Variants in RAVER1 observed in about 807,000 individuals in gnomAD.
The protein encoded by RAVER1 is ribonucleoprotein, PTB binding 1.
Under a neutral mutation model 68.4 loss-of-function variants are expected in RAVER1, and 36 were observed. The observed-to-expected ratio is 0.53, with a 90% CI of 0.40 to 0.70. The LOEUF (loss-of-function observed/expected upper bound fraction) is 0.70. RAVER1 is among the 30% of genes least tolerant of loss of function. RAVER1 has a pLI of 0.00. For synonymous variants in RAVER1, 469 were observed against 472.7 expected (o/e 0.99, Z 0.10); for missense variants, 933 against 1,019.8 (o/e 0.91, Z 1.16).
rs1346578990 is a variant in RAVER1, at chr19:10,322,388, C to T, written c.1173+257G>A. The T allele has an allele frequency of 4.2e-6, 2 of 473,920 alleles. No individual in the cohort carries two copies. The highest frequency in any genetic ancestry group is 7.4e-6 in the Non-Finnish European group (2 of 271,234). The allele number at this position is 473,920 out of a possible 1,614,324, so 29.4% of individuals were successfully genotyped here. A position where few individuals can be genotyped will look rare whatever the true frequency, so the allele number is the denominator to read the frequency against. ...GGCTGTAAATGGGCGTGTCCAGGTC[C>T]CCTGACCCCACCCCAGGCACCAAGT... On this transcript the variant is annotated intron_variant, in intron 6 of 12. Coordinates refer to ENST00000617231, the MANE Select transcript of RAVER1 (RefSeq NM_133452.3). The surrounding 1 kb of genome is among the most constrained non-coding windows in gnomAD (Gnocchi z 4.3).
At chr19:10,332,753 G>C (rs546607062) in intron 1 of RAVER1, among the ~76,000 whole-genome samples, 1 of 152,268 alleles carries the variant, frequency 6.6e-6, no homozygotes, top group African/African-American at 2.4e-5. Flanking sequence ...GGTGGCAGAA[G>C]ACCCCATTTT....
rs1461373992 is a variant in RAVER1 at position 10,330,650 on chromosome 19, GGAAAC to G, written c.220-129_220-125del. ...TTACCACCCCCCATTTTACCAATGA[GGAAAC>G]TGAGGCTCGATGCAGTAATTTTGTC... On this transcript the variant is annotated intron_variant, in intron 1 of 12. Transcript: ENST00000617231. 6.5e-6 allele frequency: 4 copies of G among 619,126 alleles called. No individual in the cohort carries two copies. In the African/African-American group the frequency reaches 7.4e-5, roughly 11 times the overall value. 38.4% of individuals were successfully genotyped at this position (619,126 alleles called of 1,614,324 possible). A position where few individuals can be genotyped will look rare whatever the true frequency, so the allele number is the denominator to read the frequency against.
Position 10,322,544 on chromosome 19 carries a change from G to T in RAVER1, c.1173+101C>A. The stretch of plus-strand genomic sequence containing the variant: ...CCTCACCCTGGTTCTGCGCCCCCAG[G>T]GCACAGCCAGAGGTCCCCCCACCCC... On this transcript the variant is annotated intron_variant, in intron 6 of 12. Coordinates refer to ENST00000617231, the MANE Select transcript of RAVER1 (RefSeq NM_133452.3). The surrounding 1 kb of genome is among the most constrained non-coding windows in gnomAD (Gnocchi z 4.3). 1 of 855,736 alleles carries T rather than the reference G, an allele frequency of 1.2e-6. No homozygotes were observed. The highest frequency in any genetic ancestry group is 1.8e-5 in the South Asian group (1 of 55,286). The allele number at this position is 855,736 out of a possible 1,614,324, so 53.0% of individuals were successfully genotyped here.
chr19:10,318,333 C>T lies in RAVER1; in HGVS notation c.1885G>A (p.Gly629Ser), dbSNP rs374565467. Residue 629 changes from glycine to serine, a missense_variant, in exon 11 of 13, where the codon GGT becomes AGT. Coordinates refer to ENST00000617231, the MANE Select transcript of RAVER1 (RefSeq NM_133452.3). ...GACAGGGGGCCCCCGCCACTCCCAC[C>T]GCTGCTCCGTTCGCCGAAGCCACTG... The part of the protein sequence containing the change: ...PPSGFGERSS[G>S]GSGGGPLSHF... 36 of 1,602,922 alleles carry T rather than the reference C, an allele frequency of 2.2e-5. No individual in the cohort carries two copies. The highest frequency in any genetic ancestry group is 2.1e-4 in the African/African-American group (16 of 74,494).
At chr19:10,332,415 C>G (rs1338946650) in intron 1 of RAVER1, among the ~76,000 whole-genome samples, 1 of 152,138 alleles carries the variant, frequency 6.6e-6, no homozygotes, top group East Asian at 1.9e-4. Flanking sequence ...AGAGGAAGAC[C>G]CAGAAAGAAA....
At position 10,316,281 on chromosome 19, in the gene RAVER1, C is replaced by T. The variant is rs931087965; in HGVS notation, c.*1173G>A. 6.4e-6 allele frequency: 8 copies of T among 1,245,342 alleles called. No homozygotes were observed. The highest frequency in any genetic ancestry group is 9.0e-5 in the East Asian group (2 of 22,174). 77.1% of individuals were successfully genotyped at this position (1,245,342 alleles called of 1,614,324 possible). On this transcript the variant is annotated 3_prime_UTR_variant, in exon 13 of 13. Transcript: ENST00000617231. ...CCGTGTGGGGAGACTGGGGTGGGGT[C>T]GGGGGAATAGTCCCCTTGGAGTGGA...
chr19:10,317,451 C>G lies in RAVER1; in HGVS notation c.*3G>C. On this transcript the variant is annotated 3_prime_UTR_variant, in exon 13 of 13. Coordinates refer to ENST00000617231, the MANE Select transcript of RAVER1 (RefSeq NM_133452.3). This position sits in a 1 kb window ranked among gnomAD's most constrained non-coding sequence, Gnocchi z 4.3. The stretch of plus-strand genomic sequence containing the variant: ...CCCTTGAGTTATCTCTGGTGCCAGC[C>G]ACTTAGAAAATCCTCTTCCGCTTCA... The G allele has an allele frequency of 6.2e-7, 1 of 1,613,818 alleles. No individual in the cohort carries two copies.
Position 10,333,397 on chromosome 19 carries a change from C to T in RAVER1, c.111G>A (p.Pro37=), listed in dbSNP as rs780204272. The change falls in exon 1 of 13, where the codon CCG becomes CCA. Residue 37 remains proline (P), a synonymous_variant. Transcript: ENST00000617231. This position sits in a 1 kb window ranked among gnomAD's most constrained non-coding sequence, Gnocchi z 4.2. ...TCCGGATCTCTTCTGGATCTAGAGG[C>T]GGCAGCTCTTCTTCCGGCGCCCGGC... ...AERRAPEEEL[P]PLDPEEIRKR... is the part of the protein sequence containing the mutation. The T allele has an allele frequency of 3.1e-6, 5 of 1,613,800 alleles. No homozygotes were observed. The East Asian group carries it at 6.7e-5, about 22-fold the overall frequency.
In RAVER1 at chr19:10,322,468, C is replaced by A. The variant is rs1599300662; in HGVS notation, c.1173+177G>T. 1.1e-5 allele frequency: 6 copies of A among 535,640 alleles called. 1 individual carries two copies. The East Asian group carries it at 2.1e-4, about 19-fold the overall frequency. 33.2% of individuals were successfully genotyped at this position (535,640 alleles called of 1,614,324 possible). On this transcript the variant is annotated intron_variant, in intron 6 of 12. Coordinates refer to ENST00000617231, the MANE Select transcript of RAVER1 (RefSeq NM_133452.3). This position sits in a 1 kb window ranked among gnomAD's most constrained non-coding sequence, Gnocchi z 4.3. Reference sequence around the variant, plus strand: ...ATGGCGAACCATCATGAGCAATTGCCAGAGGGGGATGGGGATGTGGGTGGG... The same window carrying A: ...ATGGCGAACCATCATGAGCAATTGCAAGAGGGGGATGGGGATGTGGGTGGG...
intron 10 of RAVER1, among the ~76,000 whole-genome samples, chr19:10,318,726 C>T (rs145492438): frequency 3.3e-5 from 5 of 152,290 alleles, no homozygotes; most frequent in African/African-American, 1.2e-4. Flanking sequence ...TGGGTACCCG[C>T]CTCCTCTTCC....
Position 10,317,645 on chromosome 19 carries a change from G to T in RAVER1, c.2073+45C>A. Reference sequence around the variant, plus strand: ...CGGGGCGGGTCAGGGGCCGCTGGGGGGCCGGGGCTTCCCAGCCCTGCATGT... The same window carrying T: ...CGGGGCGGGTCAGGGGCCGCTGGGGTGCCGGGGCTTCCCAGCCCTGCATGT... On this transcript the variant is annotated intron_variant, in intron 12 of 12. Coordinates refer to ENST00000617231, the MANE Select transcript of RAVER1 (RefSeq NM_133452.3). The surrounding 1 kb of genome is among the most constrained non-coding windows in gnomAD (Gnocchi z 4.3). The T allele has an allele frequency of 6.5e-7, 1 of 1,536,480 alleles. No homozygotes were observed. Among genetic ancestry groups the T allele is most frequent in the Non-Finnish European group, 8.8e-7 (1 of 1,131,188 alleles).
rs778483234 is a variant in RAVER1, at chr19:10,319,225, G to A, written c.1786C>T (p.Arg596Trp). Reference protein sequence around the residue: ...FDYPSDMGPRRLFSHPREPAL... With the variant: ...FDYPSDMGPRWLFSHPREPAL... ...GGTTCCCGTGGGTGGGAGAAGAGCC[G>A]CCGAGGTCCCATGTCCTGAATGAAA... The change falls in exon 10 of 13, where the codon CGG (arginine) becomes TGG (tryptophan). Residue 596 changes from arginine (R) to tryptophan (W), a missense_variant. Physicochemically the swap from Arg to Trp is moderately radical, Grantham distance 101. Coordinates refer to ENST00000617231, the MANE Select transcript of RAVER1 (RefSeq NM_133452.3). The A allele has an allele frequency of 5.6e-6, 9 of 1,613,534 alleles. No individual in the cohort carries two copies. The highest frequency in any genetic ancestry group is 2.2e-5 in the East Asian group (1 of 44,882).
rs896543196 is a variant in RAVER1, at chr19:10,322,194, G to A, written c.1173+451C>T. ...TGTGTGTATATTTGCATCTTTGTAT[G>A]TGTGAGTCTATATGTATACCTGTGT... is the stretch of plus-strand genomic sequence containing the variant. On this transcript the variant is annotated intron_variant, in intron 6 of 12. Transcript: ENST00000617231. The surrounding 1 kb of genome is among the most constrained non-coding windows in gnomAD (Gnocchi z 4.3). 5.8e-6 allele frequency: 1 copy of A among 173,606 alleles called. No homozygotes were observed. The allele number at this position is 173,606 out of a possible 1,614,324, so 10.8% of individuals were successfully genotyped here.
rs752582597 is a variant in RAVER1, at chr19:10,323,192, T to G, written c.1031A>C (p.Gln344Pro). ...LNNLGPSASL[Q>P]LLLNPLLHGS... is the part of the protein sequence containing the mutation. The stretch of plus-strand genomic sequence containing the variant: ...ATGGAGCAGGGGGTTGAGCAGCAGC[T>G]GGAGGGACGCGGATGGGCCCAGGTT... The change falls in exon 5 of 13, where the codon CAG becomes CCG. Residue 344 changes from glutamine (Q) to proline (P), a missense_variant. Physicochemically the swap from Gln to Pro is moderately conservative, Grantham distance 76. This residue lies in a region of RAVER1 where 699 missense variants were observed against 731.1 expected (regional missense o/e 0.96). Coordinates refer to ENST00000617231, the MANE Select transcript of RAVER1 (RefSeq NM_133452.3). This position sits in a 1 kb window ranked among gnomAD's most constrained non-coding sequence, Gnocchi z 6.2. The G allele has an allele frequency of 1.8e-5, 29 of 1,612,494 alleles. No individual in the cohort carries two copies. The East Asian group carries it at 5.8e-4, about 32-fold the overall frequency.
At chr19:10,326,306 T>C (rs1336184030) in intron 3 of RAVER1, among the ~76,000 whole-genome samples, 3 of 152,234 alleles carry the variant, frequency 2.0e-5, no homozygotes, top group Admixed American at 1.3e-4. Flanking sequence ...TGCTAACTCA[T>C]CTTCTGTCCT....
At chr19:10,320,504 TAAAAAA>T (rs773652670) in intron 9 of RAVER1, 145 bp downstream of exon 9, 62 of 474,464 alleles carry the variant, frequency 1.3e-4, no homozygotes, top group Middle Eastern at 5.1e-4. Flanking sequence ...ACCCTGTCTC[TAAAAAA>T]AAAAAAAAAA....
In RAVER1 at chr19:10,320,859, C is replaced by T. The variant is rs1911183164; in HGVS notation, c.1566G>A (p.Ala522=). 6.6e-7 allele frequency: 1 copy of T among 1,510,552 alleles called. No homozygotes were observed. Among genetic ancestry groups the T allele is most frequent in the Non-Finnish European group, 8.8e-7 (1 of 1,136,328 alleles). The allele number at this position is 1,510,552 out of a possible 1,614,324, so 93.6% of individuals were successfully genotyped here. A position where few individuals can be genotyped will look rare whatever the true frequency, so the allele number is the denominator to read the frequency against. The change falls in exon 9 of 13, where the codon GCG becomes GCA. Residue 522 remains alanine, a synonymous_variant. Coordinates refer to ENST00000617231, the MANE Select transcript of RAVER1 (RefSeq NM_133452.3). ...CTCCCCAGCCCCGGGCCTCCTTACC[C>T]GCCAGGTTGCTGGCCGGGAGCAGGC... The part of the protein sequence containing the change: ...LHSLLPASNL[A]GKEARGWGGA...
At position 10,320,901 on chromosome 19, in the gene RAVER1, G is replaced by A. The variant is rs2040431813; in HGVS notation, c.1524C>T (p.Pro508=). 6.6e-7 allele frequency: 1 copy of A among 1,507,616 alleles called. No individual in the cohort carries two copies. Among genetic ancestry groups the A allele is most frequent in the South Asian group, 1.3e-5 (1 of 74,108 alleles). 93.4% of individuals were successfully genotyped at this position (1,507,616 alleles called of 1,614,324 possible). ...PPKDYRIPLN[P]YLNLHSLLPA... The stretch of plus-strand genomic sequence containing the variant: ...GGAGCAGGCTGTGTAGGTTCAGGTA[G>A]GGATTCAGGGGAATCCGGTAGTCCT... The change falls in exon 9 of 13, where the codon CCC becomes CCT. Residue 508 remains proline, a synonymous_variant. Coordinates refer to ENST00000617231, the MANE Select transcript of RAVER1 (RefSeq NM_133452.3).
At chr19:10,330,914 A>AT (rs1055490387) in intron 1 of RAVER1, among the ~76,000 whole-genome samples, 3 of 151,754 alleles carry the variant, frequency 2.0e-5, no homozygotes, top group African/African-American at 7.3e-5. Flanking sequence ...AAATACAAAA[A>AT]TTAGCCAGGA....
Sources: allele counts gnomAD v4.1 joint callset (sites outside exome capture counted in the v4.1 genomes callset), GRCh38; gene constraint gnomAD v4.1.1; regional missense constraint gnomAD v4.1.1; non-coding constraint Gnocchi (gnomAD v3.1); transcripts MANE v1.5; gene names NCBI Gene and HGNC (gene_info 2026-07-23, HGNC 2026-07-21).